PCDH15: variants seen among roughly 807,000 people sequenced by gnomAD.
PCDH15 encodes protocadherin related 15.
Under a neutral mutation model 178.5 loss-of-function variants are expected in PCDH15, and 129 were observed. The ratio of observed to expected loss-of-function variants is 0.72; its 90% CI spans 0.63 to 0.84. The LOEUF (loss-of-function observed/expected upper bound fraction) is 0.84. Among genes scored for constraint, PCDH15 ranks in the 40% least tolerant of loss-of-function variants. PCDH15 has a pLI of 0.00. For synonymous variants in PCDH15, 800 were observed against 732.0 expected, an observed-to-expected ratio of 1.09 and a Z score of -1.50; for missense variants, 2,230 against 2,099.9, an observed-to-expected ratio of 1.06 and a Z score of -1.21.
chr10:53,846,310 GA>G (rs2077975938), intron 28 of PCDH15, among the ~76,000 whole-genome samples: 1 of 151,748 alleles, frequency 6.6e-6, no homozygotes, highest in South Asian at 2.1e-4. Flanking sequence ...ACTTTACTTT[GA>G]ATGCTCTCTA....
chr10:53,839,400 A>C (rs1452569964), intron 29 of PCDH15, among the ~76,000 whole-genome samples: 1 of 152,040 alleles, frequency 6.6e-6, no homozygotes, highest in East Asian at 1.9e-4. Context: ...ATATTTACAA[A>C]ATAAATAAAT....
intron 11 of PCDH15, among the ~76,000 whole-genome samples, chr10:54,192,733 C>T (rs1229308583): frequency 1.3e-5 from 2 of 152,052 alleles, no homozygotes; most frequent in Admixed American, 6.6e-5. Flanking sequence ...AGTCACTCAC[C>T]ATAGATTATT....
chr10:54,523,907 G>A (rs1202780868), intron 3 of PCDH15, among the ~76,000 whole-genome samples: 1 of 152,118 alleles, frequency 6.6e-6, no homozygotes, highest in African/African-American at 2.4e-5. Context: ...AGAGAAGAAA[G>A]GCCTTAAAGA....
chr10:54,486,713 C>CT (rs2079131385), intron 3 of PCDH15, among the ~76,000 whole-genome samples: 1 of 151,788 alleles, frequency 6.6e-6, no homozygotes, highest in Admixed American at 6.6e-5. Flanking sequence ...CTTCCATTCT[C>CT]TGCTCAGTTA....
intron 8 of PCDH15, among the ~76,000 whole-genome samples, chr10:54,252,231 A>G (rs2056540142): frequency 6.6e-6 from 1 of 152,168 alleles, no homozygotes; most frequent in African/African-American, 2.4e-5. Context: ...GCAACTTGTC[A>G]TCCCTTTTTG....
At chr10:55,396,206 G>A (rs1382324663) in intron 2 of PCDH15, among the ~76,000 whole-genome samples, 1 of 152,046 alleles carries the variant, frequency 6.6e-6, no homozygotes, top group Non-Finnish European at 1.5e-5. Context: ...GCAGTATTGA[G>A]GTTTTTCCCT....
intron 1 of PCDH15, among the ~76,000 whole-genome samples, chr10:55,201,066 A>G (rs1198546976): frequency 6.6e-6 from 1 of 152,120 alleles, no homozygotes; most frequent in African/African-American, 2.4e-5. Flanking sequence ...TATCCTTAGT[A>G]TAGTGACTGG....
intron 2 of PCDH15, among the ~76,000 whole-genome samples, chr10:55,618,646 T>G (rs1458440296): frequency 1.3e-5 from 2 of 152,044 alleles, no homozygotes; most frequent in African/African-American, 4.8e-5. Context: ...ATTATCTCAT[T>G]AAAGTCTTGT....
chr10:54,712,348 A>G (rs549335656), intron 1 of PCDH15, among the ~76,000 whole-genome samples: 1 of 152,018 alleles, frequency 6.6e-6, no homozygotes, highest in South Asian at 2.1e-4. Context: ...ATATTGCTAA[A>G]TTTTAAAAGA....
At chr10:55,042,788 C>T (rs1840900053) in intron 2 of PCDH15, among the ~76,000 whole-genome samples, 1 of 152,112 alleles carries the variant, frequency 6.6e-6, no homozygotes, top group Admixed American at 6.6e-5. Context: ...TATTTTTTGA[C>T]ATAATTGTAC....
intron 26 of PCDH15, among the ~76,000 whole-genome samples, chr10:53,893,014 G>C (rs1328333513): frequency 6.6e-6 from 1 of 151,886 alleles, no homozygotes; most frequent in African/African-American, 2.4e-5. Context: ...ATATATAAAG[G>C]AAATCAGAGA....
chr10:54,206,554 C>A (rs1434689551), intron 10 of PCDH15, among the ~76,000 whole-genome samples: 1 of 151,960 alleles, frequency 6.6e-6, no homozygotes, highest in Non-Finnish European at 1.5e-5. Context: ...TTTTTGTCAA[C>A]CAAGAGAAAA....
At chr10:54,158,600 T>C (rs554935088) in intron 13 of PCDH15, among the ~76,000 whole-genome samples, 2 of 152,276 alleles carry the variant, frequency 1.3e-5, no homozygotes, top group East Asian at 3.9e-4. Context: ...CTTTAATTGC[T>C]CTTTCCTGGT....
intron 2 of PCDH15, among the ~76,000 whole-genome samples, chr10:55,377,534 T>C (rs1166748657): frequency 6.6e-6 from 1 of 152,012 alleles, no homozygotes; most frequent in African/African-American, 2.4e-5. Context: ...CTATATTTAG[T>C]AAAATAGCTT....
chr10:54,059,529 C>T (rs180869762), intron 18 of PCDH15, among the ~76,000 whole-genome samples: 35 of 152,176 alleles, frequency 2.3e-4, no homozygotes, highest in African/African-American at 7.5e-4. Context: ...TACACATGCG[C>T]TTGTGCATGG....
intron 3 of PCDH15, among the ~76,000 whole-genome samples, chr10:54,884,509 G>A (rs1296600060): frequency 1.3e-5 from 2 of 149,450 alleles, no homozygotes; most frequent in African/African-American, 4.8e-5. Flanking sequence ...GTGTGTGTGT[G>A]TGCACCTGTG....
intron 6 of PCDH15, among the ~76,000 whole-genome samples, chr10:54,346,090 C>T (rs1296787190): frequency 6.6e-6 from 1 of 152,018 alleles, no homozygotes; most frequent in Non-Finnish European, 1.5e-5. Flanking sequence ...ATTTAGAATG[C>T]TTTGGAGACC....
chr10:54,037,045 A>G (rs12779271), intron 18 of PCDH15, among the ~76,000 whole-genome samples: 63,207 of 151,772 alleles, frequency 0.42, 14,337 homozygotes, highest in Middle Eastern at 0.64. Flanking sequence ...TTAGAGGTGG[A>G]GCCTGAAGAT....
rs115794843 is a variant in PCDH15, at chr10:55,348,917, G to A, written c.-155-182266C>T. Among the ~76,000 whole-genome samples, 849 of 152,228 alleles carry A rather than the reference G, an allele frequency of 5.6e-3. 9 individuals are homozygous for A. The highest frequency in any genetic ancestry group is 0.02 in the African/African-American group (811 of 41,564). On this transcript the variant is annotated intron_variant, in intron 2 of 5. Transcript: ENST00000613346. ...TTGGAAACTTCCAAGCAAGAGGTGA[G>A]TAATTTCCTTATTAATGGCATCATT...
Sources: allele counts gnomAD v4.1 joint callset (sites outside exome capture counted in the v4.1 genomes callset), GRCh38; gene constraint gnomAD v4.1.1; transcripts MANE v1.5; gene names NCBI Gene and HGNC (gene_info 2026-07-23, HGNC 2026-07-21).